SLC25A21: variants seen among roughly 807,000 people sequenced by gnomAD.
SLC25A21 encodes mitochondrial 2-oxodicarboxylate carrier.
Under a neutral mutation model 43.8 loss-of-function variants are expected in SLC25A21, and 47 were observed. The ratio of observed to expected loss-of-function variants is 1.07; its 90% CI spans 0.85 to 1.37. SLC25A21 has a LOEUF of 1.37. Ranked by LOEUF, SLC25A21 falls within the 40% of genes most tolerant of loss-of-function variation. The pLI is 0.00. For missense variants in SLC25A21, 352 were observed against 350.2 expected (o/e 1.00, Z -0.04); for synonymous variants, 131 against 121.3 (o/e 1.08, Z -0.52).
chr14:36,702,026 C>T (rs1883298872), intron 7 of SLC25A21, among the ~76,000 whole-genome samples: 1 of 152,152 alleles, frequency 6.6e-6, no homozygotes, highest in South Asian at 2.1e-4. Context: ...TGAAACTTTC[C>T]CATGTCCATT....
chr14:36,929,848 T>G (rs1461418794), intron 1 of SLC25A21, among the ~76,000 whole-genome samples: 1 of 152,202 alleles, frequency 6.6e-6, no homozygotes, highest in Non-Finnish European at 1.5e-5. Context: ...GAATATGGGC[T>G]GGGTGGTGAC....
chr14:36,733,190 T>C (rs1384402536), intron 4 of SLC25A21, among the ~76,000 whole-genome samples: 1 of 152,228 alleles, frequency 6.6e-6, no homozygotes, highest in African/African-American at 2.4e-5. Flanking sequence ...ACTGAACAGA[T>C]GAGTATATTA....
At chr14:36,845,585 A>G (rs536430200) in intron 2 of SLC25A21, among the ~76,000 whole-genome samples, 2 of 152,392 alleles carry the variant, frequency 1.3e-5, no homozygotes, top group Non-Finnish European at 2.9e-5. Flanking sequence ...TGCAAAGAAC[A>G]TTTCCACATT....
intron 1 of SLC25A21, among the ~76,000 whole-genome samples, chr14:37,008,928 A>T (rs1301598876): frequency 6.6e-6 from 1 of 152,236 alleles, no homozygotes; most frequent in Non-Finnish European, 1.5e-5. Context: ...CAATAATTTG[A>T]AATGGAAAAC....
intron 7 of SLC25A21, among the ~76,000 whole-genome samples, chr14:36,692,166 T>C (rs17105067): frequency 0.031 from 4,747 of 152,282 alleles, 241 homozygotes; most frequent in African/African-American, 0.11. Flanking sequence ...TTTTTGTGAG[T>C]GCACAGCTAA....
rs141485744 is a variant in SLC25A21, at chr14:37,080,055, A to T, written c.70+92226T>A. On this transcript the variant is annotated intron_variant, in intron 1 of 9. Coordinates refer to ENST00000331299, the MANE Select transcript of SLC25A21 (RefSeq NM_030631.4). The stretch of plus-strand genomic sequence containing the variant: ...GTCCATACCAGACACCAAAACTGTC[A>T]GTGATCTTGGACTTCCCAGCGTACA... 3.9e-3 allele frequency among the ~76,000 whole-genome samples: 590 copies of T among 152,306 alleles called. 5 individuals are homozygous for T. The highest frequency in any genetic ancestry group is 0.013 in the African/African-American group (537 of 41,568).
chr14:36,753,663 T>C (rs1310773075), intron 3 of SLC25A21, among the ~76,000 whole-genome samples: 2 of 152,318 alleles, frequency 1.3e-5, no homozygotes, highest in Non-Finnish European at 2.9e-5. Context: ...TGTAAAGACA[T>C]TGATGATTTA....
chr14:37,121,379 A>G (rs1175941671), intron 1 of SLC25A21, among the ~76,000 whole-genome samples: 1 of 152,236 alleles, frequency 6.6e-6, no homozygotes, highest in Non-Finnish European at 1.5e-5. Flanking sequence ...GAGTGGAAAC[A>G]AAATGACATG....
chr14:36,875,050 G>A (rs752958741), intron 1 of SLC25A21, 46 bp from the exon 2 acceptor site: 3 of 1,480,750 alleles, frequency 2.0e-6, no homozygotes, highest in Non-Finnish European at 2.8e-6. Flanking sequence ...TGTAAACACT[G>A]GTTCTTATTT....
At chr14:36,771,990 C>T (rs1886636660) in intron 3 of SLC25A21, among the ~76,000 whole-genome samples, 1 of 152,082 alleles carries the variant, frequency 6.6e-6, no homozygotes, top group African/African-American at 2.4e-5. Flanking sequence ...TCTGAGCTCG[C>T]GAGCAGCATA....
intron 7 of SLC25A21, among the ~76,000 whole-genome samples, chr14:36,691,227 C>T (rs563098044): frequency 7.3e-4 from 111 of 152,156 alleles, no homozygotes; most frequent in Non-Finnish European, 1.0e-3. Flanking sequence ...CAGGGCTGCA[C>T]CCTCATTCAA....
At chr14:37,169,818 A>T (rs1445479573) in intron 1 of SLC25A21, among the ~76,000 whole-genome samples, 1 of 152,160 alleles carries the variant, frequency 6.6e-6, no homozygotes, top group Admixed American at 6.6e-5. Context: ...AAAAGAAAAT[A>T]TAATTCTTTT....
chr14:37,048,724 A>G (rs755259651), intron 1 of SLC25A21, among the ~76,000 whole-genome samples: 2 of 152,198 alleles, frequency 1.3e-5, no homozygotes, highest in Admixed American at 1.3e-4. Context: ...CCTGTAAAAC[A>G]TGGGTGAGCA....
intron 3 of SLC25A21, among the ~76,000 whole-genome samples, chr14:36,777,086 C>T (rs1024956696): frequency 3.9e-5 from 6 of 152,014 alleles, no homozygotes; most frequent in East Asian, 3.9e-4. Context: ...GGTGAAACCC[C>T]GTCTCTACTA....
intron 1 of SLC25A21, among the ~76,000 whole-genome samples, chr14:37,029,329 A>G (rs1961158366): frequency 6.6e-6 from 1 of 152,174 alleles, no homozygotes; most frequent in South Asian, 2.1e-4. Context: ...CAATCCAAGG[A>G]GGGTTAAAGA....
At chr14:37,127,609 TCTTA>T (rs1963320048) in intron 1 of SLC25A21, among the ~76,000 whole-genome samples, 1 of 152,252 alleles carries the variant, frequency 6.6e-6, no homozygotes, top group Admixed American at 6.5e-5. Context: ...AATTGTTCTT[TCTTA>T]CTTGTATAAG....
chr14:36,899,103 TTTAAGG>T (rs1891331349), intron 1 of SLC25A21, among the ~76,000 whole-genome samples: 1 of 151,998 alleles, frequency 6.6e-6, no homozygotes, highest in Admixed American at 6.6e-5. Flanking sequence ...AAAAAATAAA[TTTAAGG>T]TTGGGTATGG....
chr14:36,818,666 A>G (rs1248939853), intron 2 of SLC25A21, among the ~76,000 whole-genome samples: 1 of 152,202 alleles, frequency 6.6e-6, no homozygotes, highest in Non-Finnish European at 1.5e-5. Flanking sequence ...TCCATTACAC[A>G]TGACTTATTC....
At chr14:36,720,033 C>G (rs1216060493) in intron 6 of SLC25A21, among the ~76,000 whole-genome samples, 1 of 152,140 alleles carries the variant, frequency 6.6e-6, no homozygotes, top group Non-Finnish European at 1.5e-5. Flanking sequence ...TGATCTGGAC[C>G]CTGTGCTTCA....
Sources: allele counts gnomAD v4.1 joint callset (sites outside exome capture counted in the v4.1 genomes callset), GRCh38; gene constraint gnomAD v4.1.1; transcripts MANE v1.5; gene names NCBI Gene and HGNC (gene_info 2026-07-23, HGNC 2026-07-21).